PFKFB1: variants seen among roughly 807,000 people sequenced by gnomAD.
PFKFB1 encodes the protein 6-phosphofructo-2-kinase/fructose-2,6-bisphosphatase 1.
In PFKFB1, 34 loss-of-function variants were observed where a neutral mutation model predicts 46.4. The observed-to-expected ratio is 0.73, with a 90% CI of 0.56 to 0.98. The LOEUF (loss-of-function observed/expected upper bound fraction) is 0.98. Among genes scored for constraint, PFKFB1 ranks in the 50% least tolerant of loss-of-function variants. PFKFB1 has a pLI of 0.00. For missense variants in PFKFB1, 393 were observed against 376.3 expected (o/e 1.04, Z -0.37); for synonymous variants, 119 against 133.8 (o/e 0.89, Z 0.76).
Position 54,937,540 on chromosome X carries a change from G to A in PFKFB1, c.1228+55C>T, listed in dbSNP as rs1933444548. 4.6e-6 allele frequency: 5 copies of A among 1,084,905 alleles called. No individual in the cohort carries two copies. The African/African-American group carries it at 7.3e-5, about 16-fold the overall frequency. 89.4% of individuals were successfully genotyped at this position (1,084,905 alleles called of 1,213,427 possible). ...CTAAGATATAGATATCTAATTGTTG[G>A]TGTCAGTGTCTCAAATACCATCAAA... On this transcript the variant is annotated intron_variant, in intron 11 of 13. Coordinates refer to ENST00000375006, the MANE Select transcript of PFKFB1 (RefSeq NM_002625.4).
intron 12 of PFKFB1, 141 bp from the exon 13 acceptor site, chrX:54,934,026 A>G: frequency 2.1e-6 from 1 of 466,000 alleles, no homozygotes; most frequent in Non-Finnish European, 3.7e-6. Context: ...TGTATGGAGG[A>G]GAATTTAGAC....
At chrX:54,969,017 T>C (rs1934559667) in intron 1 of PFKFB1, among the ~76,000 whole-genome samples, 1 of 111,775 alleles carries the variant, frequency 8.9e-6, no homozygotes. Flanking sequence ...ATAATTAATA[T>C]ACCACAAGAA....
At chrX:54,962,841 C>T (rs1004655665) in intron 2 of PFKFB1, among the ~76,000 whole-genome samples, 6 of 111,922 alleles carry the variant, frequency 5.4e-5, no homozygotes, top group Non-Finnish European at 9.4e-5. Flanking sequence ...TGGATATATG[C>T]CTTTAGACAA....
intron 1 of PFKFB1, among the ~76,000 whole-genome samples, chrX:54,974,956 C>A: frequency 9.0e-6 from 1 of 110,704 alleles, no homozygotes; most frequent in East Asian, 2.9e-4. Context: ...AAAAAAAATA[C>A]ATCTTGGCAT....
intron 2 of PFKFB1, among the ~76,000 whole-genome samples, chrX:54,961,335 G>A (rs1305417868): frequency 1.8e-5 from 2 of 110,687 alleles, no homozygotes; most frequent in African/African-American, 6.6e-5. Context: ...AATCACCAAG[G>A]GTCAAACAGT....
At chrX:54,972,885 A>T (rs1602212950) in intron 1 of PFKFB1, among the ~76,000 whole-genome samples, 1 of 111,361 alleles carries the variant, frequency 9.0e-6, no homozygotes, top group Non-Finnish European at 1.9e-5. Context: ...CTCTTTTTCT[A>T]TTGATTGGAA....
chrX:54,991,575 GTATA>G (rs1935244202), intron 1 of PFKFB1, among the ~76,000 whole-genome samples: 2 of 103,595 alleles, frequency 1.9e-5, no homozygotes, highest in African/African-American at 7.7e-5. Flanking sequence ...GTGTGTGTTT[GTATA>G]TGTGTGTAAC....
intron 1 of PFKFB1, among the ~76,000 whole-genome samples, chrX:54,969,327 C>T (rs755692622): frequency 9.0e-6 from 1 of 111,549 alleles, no homozygotes; most frequent in Non-Finnish European, 1.9e-5. Flanking sequence ...ATAAGTTTGG[C>T]CCCCACACTC....
intron 6 of PFKFB1, among the ~76,000 whole-genome samples, chrX:54,957,306 G>A (rs1282887890): frequency 4.5e-5 from 5 of 111,568 alleles, no homozygotes; most frequent in African/African-American, 1.6e-4. Context: ...AGGCTTCCCT[G>A]ATTTCTGCCC....
intron 1 of PFKFB1, among the ~76,000 whole-genome samples, chrX:54,981,923 C>A (rs957878437): frequency 9.0e-6 from 1 of 111,366 alleles, no homozygotes; most frequent in Non-Finnish European, 1.9e-5. Flanking sequence ...AGAGAGAAAG[C>A]ATCTGAAATT....
intron 6 of PFKFB1, among the ~76,000 whole-genome samples, chrX:54,956,699 C>G (rs762284733): frequency 1.4e-4 from 16 of 110,450 alleles, no homozygotes; most frequent in Non-Finnish European, 1.9e-4. Flanking sequence ...CCTAATCCAC[C>G]AATACCCACG....
intron 1 of PFKFB1, among the ~76,000 whole-genome samples, chrX:54,985,090 A>G (rs1010563870): frequency 9.0e-6 from 1 of 111,189 alleles, no homozygotes; most frequent in African/African-American, 3.3e-5. Context: ...TTAACATAGT[A>G]CAAAGAAGCT....
chrX:54,993,107 T>A (rs1935287140), intron 1 of PFKFB1, among the ~76,000 whole-genome samples: 1 of 112,003 alleles, frequency 8.9e-6, no homozygotes, highest in East Asian at 2.8e-4. Flanking sequence ...TTAACCCACC[T>A]TATGGCCACT....
intron 3 of PFKFB1, 67 bp from the exon 4 acceptor site, chrX:54,959,960 C>T: frequency 1.4e-6 from 1 of 731,447 alleles, no homozygotes; most frequent in Non-Finnish European, 2.1e-6. Flanking sequence ...CTCTCATTGT[C>T]TGCAGTATCT....
chrX:54,996,121 C>T (rs1261372124), upstream of PFKFB1, among the ~76,000 whole-genome samples: 1 of 112,300 alleles, frequency 8.9e-6, no homozygotes, highest in Non-Finnish European at 1.9e-5. Flanking sequence ...CAAGCCTGAT[C>T]TAAGAATGTG....
chrX:54,960,018 T>C, intron 3 of PFKFB1, 125 bp from the exon 4 acceptor site: 1 of 538,474 alleles, frequency 1.9e-6, no homozygotes, highest in Non-Finnish European at 3.2e-6. Context: ...GTATTGAACA[T>C]CTACACAGGG....
chrX:54,945,671 G>A (rs188253975), intron 9 of PFKFB1, 128 bp from the exon 10 acceptor site: 140 of 464,410 alleles, frequency 3.0e-4, no homozygotes, highest in Middle Eastern at 1.5e-3. Flanking sequence ...ACAGCTCTGG[G>A]TTTGTGCCTG....
At chrX:54,941,943 C>T (rs1327589900) in intron 10 of PFKFB1, among the ~76,000 whole-genome samples, 7 of 111,900 alleles carry the variant, frequency 6.3e-5, no homozygotes, top group Non-Finnish European at 1.1e-4. Flanking sequence ...CACATGCACA[C>T]GTATGTTTAC....
At chrX:54,942,134 A>G (rs762881639) in intron 10 of PFKFB1, among the ~76,000 whole-genome samples, 5 of 111,429 alleles carry the variant, frequency 4.5e-5, no homozygotes, top group Non-Finnish European at 9.4e-5. Context: ...TCAGCAAACT[A>G]TCTCAAGGAC....
Sources: allele counts gnomAD v4.1 joint callset (sites outside exome capture counted in the v4.1 genomes callset), GRCh38; gene constraint gnomAD v4.1.1; transcripts MANE v1.5; gene names NCBI Gene and HGNC (gene_info 2026-07-23, HGNC 2026-07-21).